The following BANK1 variants were observed in gnomAD, a reference collection of about 807,000 sequenced individuals.
The protein encoded by BANK1 is B cell scaffold protein with ankyrin repeats 1.
In BANK1, 95 loss-of-function variants were observed where a neutral mutation model predicts 94.5. The observed-to-expected ratio is 1.00, with a 90% CI of 0.85 to 1.19. BANK1 has a LOEUF of 1.19. Among genes scored for constraint, BANK1 ranks in the 50% most tolerant of loss-of-function variants. The pLI, the probability that BANK1 is intolerant of heterozygous loss-of-function variation, is 0.00. For missense variants in BANK1, 987 were observed against 932.2 expected (o/e 1.06, Z -0.77); for synonymous variants, 334 against 308.4 (o/e 1.08, Z -0.87).
rs1359229190 is a variant in BANK1, at chr4:101,838,750, TTTG to T, written c.469+8545_469+8547del. 8.5e-5 allele frequency among the ~76,000 whole-genome samples: 13 copies of T among 152,348 alleles called. No individual in the cohort carries two copies. The East Asian group carries it at 2.5e-3, about 29-fold the overall frequency. ...TGAGCCATTGGAGGGAGATCATACC[TTTG>T]AGCTGTGTTTGACTTGAACATGCTC... On this transcript the variant is annotated intron_variant, in intron 2 of 16. Coordinates refer to ENST00000322953, the MANE Select transcript of BANK1 (RefSeq NM_017935.5).
chr4:101,929,187 TC>T (rs34242151), intron 7 of BANK1, among the ~76,000 whole-genome samples: 118,166 of 151,458 alleles, frequency 0.78, 47,258 homozygotes, highest in Non-Finnish European at 0.88. Flanking sequence ...TCATAATAAT[TC>T]CCAAATATTT....
chr4:102,019,586 C>CA (rs1420406332), intron 7 of BANK1, among the ~76,000 whole-genome samples: 2 of 152,252 alleles, frequency 1.3e-5, no homozygotes, highest in Non-Finnish European at 2.9e-5. Context: ...AAATTGACTC[C>CA]AAAGTCTATG....
chr4:101,854,975 A>G (rs1727624971), intron 2 of BANK1, 60 bp from the exon 3 acceptor site: 2 of 1,312,810 alleles, frequency 1.5e-6, no homozygotes, highest in Non-Finnish European at 2.1e-6. Context: ...CTTTATAGCA[A>G]TGGAGGAAAT....
rs578114812 is a variant in BANK1 at position 101,840,247 on chromosome 4, C to A, written c.469+10041C>A. 1.1e-4 allele frequency among the ~76,000 whole-genome samples: 16 copies of A among 151,990 alleles called. No individual in the cohort carries two copies. The East Asian group carries it at 1.7e-3, about 17-fold the overall frequency. ...CCTCCCGAAGTGCTGGCATCACAGG[C>A]GTGAGCCACCGCGCCCGGCCAAATA... is the stretch of plus-strand genomic sequence containing the variant. On this transcript the variant is annotated intron_variant, in intron 2 of 16. Coordinates refer to ENST00000322953, the MANE Select transcript of BANK1 (RefSeq NM_017935.5).
At chr4:101,870,028 G>A (rs7662572) in intron 4 of BANK1, among the ~76,000 whole-genome samples, 52,287 of 151,618 alleles carry the variant, frequency 0.34, 9,313 homozygotes, top group African/African-American at 0.39. Flanking sequence ...ATTTTTCATT[G>A]CAGTCAATTG....
intron 1 of BANK1, among the ~76,000 whole-genome samples, chr4:101,792,248 A>T: frequency 8.7e-6 from 1 of 115,546 alleles, no homozygotes; most frequent in South Asian, 3.5e-4. Context: ...CCTCCCATGC[A>T]TTCCGCTCCC....
intron 9 of BANK1, among the ~76,000 whole-genome samples, chr4:102,028,078 G>GA (rs1399755214): frequency 6.6e-6 from 1 of 152,138 alleles, no homozygotes; most frequent in African/African-American, 2.4e-5. Context: ...TGATACTTTG[G>GA]AAAATAAAAA....
At chr4:102,001,552 A>C (rs747228610) in intron 7 of BANK1, among the ~76,000 whole-genome samples, 1 of 152,208 alleles carries the variant, frequency 6.6e-6, no homozygotes, top group Non-Finnish European at 1.5e-5. Flanking sequence ...GTGAGCCGAG[A>C]TTGTGCCACT....
intron 7 of BANK1, among the ~76,000 whole-genome samples, chr4:101,997,733 T>C (rs1560675821): frequency 6.6e-6 from 1 of 152,216 alleles, no homozygotes; most frequent in Non-Finnish European, 1.5e-5. Context: ...TATTCTCTGA[T>C]GGTAGTTTGT....
chr4:101,851,285 T>C (rs1178627151), intron 2 of BANK1, among the ~76,000 whole-genome samples: 3 of 152,194 alleles, frequency 2.0e-5, no homozygotes, highest in Non-Finnish European at 4.4e-5. Context: ...TAATATGTCC[T>C]TAAGCCTTTT....
intron 12 of BANK1, 44 bp downstream of exon 12, chr4:102,060,433 G>A (rs1374024481): frequency 1.3e-6 from 2 of 1,556,888 alleles, no homozygotes; most frequent in Non-Finnish European, 1.7e-6. Context: ...CTCACTTGTG[G>A]AGCCCCTAGT....
intron 1 of BANK1, among the ~76,000 whole-genome samples, chr4:101,808,089 A>C (rs937906618): frequency 9.1e-5 from 13 of 142,796 alleles, no homozygotes; most frequent in Non-Finnish European, 1.6e-4. Context: ...TCTCAAAAAA[A>C]AAAAAAAGAA....
chr4:101,883,770 A>C (rs1411843430), intron 5 of BANK1, among the ~76,000 whole-genome samples: 1 of 152,234 alleles, frequency 6.6e-6, no homozygotes, highest in Non-Finnish European at 1.5e-5. Flanking sequence ...AGAAAAACAA[A>C]GCACAAGTCA....
At chr4:101,846,954 C>A (rs1727271720) in intron 2 of BANK1, among the ~76,000 whole-genome samples, 1 of 152,110 alleles carries the variant, frequency 6.6e-6, no homozygotes, top group South Asian at 2.1e-4. Context: ...ACCTTATTTT[C>A]CTTATTAAAA....
chr4:101,802,101 GC>G (rs2148850650), intron 1 of BANK1, among the ~76,000 whole-genome samples: 1 of 152,294 alleles, frequency 6.6e-6, no homozygotes, highest in South Asian at 2.1e-4. Context: ...GTGGGCATAG[GC>G]CCGGGGATAG....
At chr4:101,842,906 A>C (rs1003961392) in intron 2 of BANK1, among the ~76,000 whole-genome samples, 1 of 152,216 alleles carries the variant, frequency 6.6e-6, no homozygotes, top group African/African-American at 2.4e-5. Context: ...TTAATGTCTT[A>C]GACATCATTT....
intron 7 of BANK1, among the ~76,000 whole-genome samples, chr4:101,931,969 A>G (rs1156951413): frequency 6.6e-6 from 1 of 151,560 alleles, no homozygotes; most frequent in Non-Finnish European, 1.5e-5. Context: ...GGAAAATAAC[A>G]TGAAAATGAT....
chr4:101,938,750 T>C (rs539258385), intron 7 of BANK1, among the ~76,000 whole-genome samples: 1 of 151,818 alleles, frequency 6.6e-6, no homozygotes, highest in South Asian at 2.1e-4. Flanking sequence ...ATCCCAAGCT[T>C]GTCTGCAAGG....
chr4:102,033,707 T>C (rs953948059), intron 10 of BANK1, among the ~76,000 whole-genome samples: 3 of 152,228 alleles, frequency 2.0e-5, no homozygotes, highest in African/African-American at 7.2e-5. Context: ...ACAATATAAT[T>C]TACTCTCATT....
Sources: allele counts gnomAD v4.1 joint callset (sites outside exome capture counted in the v4.1 genomes callset), GRCh38; gene constraint gnomAD v4.1.1; transcripts MANE v1.5; gene names NCBI Gene and HGNC (gene_info 2026-07-23, HGNC 2026-07-21).